Variants in PYCR3 observed in about 807,000 individuals in gnomAD.
PYCR3 encodes pyrroline-5-carboxylate reductase 3.
In PYCR3, 26 loss-of-function variants were observed where a neutral mutation model predicts 23.4. The ratio of observed to expected loss-of-function variants is 1.11; its 90% CI spans 0.81 to 1.54. The LOEUF (loss-of-function observed/expected upper bound fraction) is 1.54. Ranked by LOEUF, PYCR3 falls within the 40% of genes most tolerant of loss-of-function variation. The pLI is 0.00. For synonymous variants in PYCR3, 194 were observed against 162.6 expected (o/e 1.19, Z -1.47); for missense variants, 360 against 376.3 (o/e 0.96, Z 0.36).
rs868057782 is a variant in PYCR3 at position 143,603,699 on chromosome 8, G to T, written c.*2001C>A. 1.3e-5 allele frequency among the ~76,000 whole-genome samples: 2 copies of T among 152,322 alleles called. No individual in the cohort carries two copies. The highest frequency in any genetic ancestry group is 3.4e-3 in the Middle Eastern group (1 of 294). ...GACCCCAGGCTCCCAGGCCTGCCCAGGCTTGGCATACAGTCCCCTGGGGTG... is the reference window on the plus strand; with the variant it reads ...GACCCCAGGCTCCCAGGCCTGCCCATGCTTGGCATACAGTCCCCTGGGGTG... On this transcript the variant is annotated 3_prime_UTR_variant, in exon 6 of 6. Transcript: ENST00000495276.
intron 1 of PYCR3, chr8:143,608,906 C>G (rs1192063052): frequency 2.2e-6 from 1 of 456,748 alleles, no homozygotes; most frequent in Non-Finnish European, 4.4e-6. Flanking sequence ...AGTCACCCAG[C>G]TCTCCCTATC....
Position 143,605,577 on chromosome 8 carries a change from G to T in PYCR3, c.*123C>A. 1.1e-6 allele frequency: 1 copy of T among 936,548 alleles called. No homozygotes were observed. The highest frequency in any genetic ancestry group is 1.6e-6 in the Non-Finnish European group (1 of 638,508). The allele number at this position is 936,548 out of a possible 1,614,324, so 58.0% of individuals were successfully genotyped here. A position where few individuals can be genotyped will look rare whatever the true frequency, so the allele number is the denominator to read the frequency against. ...CAAGTCCTGCCCCCTGCATTTCCCT[G>T]TGCAAGGGGAGAAGGAGCAGTAGGA... On this transcript the variant is annotated 3_prime_UTR_variant, in exon 6 of 6. Transcript: ENST00000495276.
intron 2 of PYCR3, 91 bp from the exon 3 acceptor site, chr8:143,607,223 C>T (rs1829427673): frequency 7.9e-7 from 1 of 1,267,002 alleles, no homozygotes; most frequent in African/African-American, 1.5e-5. Flanking sequence ...GCCACACGTT[C>T]CCATGGTCCC....
intron 3 of PYCR3, 92 bp from the exon 4 acceptor site, chr8:143,606,771 C>T (rs1314601003): frequency 2.2e-6 from 3 of 1,386,422 alleles, no homozygotes; most frequent in African/African-American, 1.5e-5. Context: ...TCCACGTCAG[C>T]TCGCGGTGGG....
At chr8:143,607,239 C>T in intron 2 of PYCR3, 107 bp from the exon 3 acceptor site, 1 of 1,126,178 alleles carries the variant, frequency 8.9e-7, no homozygotes. Flanking sequence ...GTCCCAGGGC[C>T]TCTCCCATTG....
chr8:143,608,077 G>A lies in PYCR3; in HGVS notation c.141C>T (p.Asn47=), dbSNP rs1207856203. 5.0e-6 allele frequency: 8 copies of A among 1,613,656 alleles called. No homozygotes were observed. The highest frequency in any genetic ancestry group is 1.1e-5 in the South Asian group (1 of 91,078). Residue 47 remains asparagine, a synonymous_variant, in exon 2 of 6, where the codon AAC becomes AAT. Coordinates refer to ENST00000495276, the MANE Select transcript of PYCR3 (RefSeq NM_023078.6). ...CTATGCTCACTTGAAAGTGACATAG[G>A]TTCCTGTCTGTTGGTGCACTGGCCA... ...HILASAPTDR[N]LCHFQALGCR... is the part of the protein sequence containing the mutation.
Position 143,604,923 on chromosome 8 carries a change from G to T in PYCR3, c.*777C>A. The stretch of plus-strand genomic sequence containing the variant: ...GGCCACTTGTCAGGAGCTTAGGATT[G>T]GGAGGAAAGAGGGAGCCTGTATCCA... On this transcript the variant is annotated 3_prime_UTR_variant, in exon 6 of 6. Coordinates refer to ENST00000495276, the MANE Select transcript of PYCR3 (RefSeq NM_023078.6). The T allele has an allele frequency of 2.0e-6, 1 of 510,904 alleles. No homozygotes were observed. The highest frequency in any genetic ancestry group is 3.9e-6 in the Non-Finnish European group (1 of 256,432). 31.6% of individuals were successfully genotyped at this position (510,904 alleles called of 1,614,324 possible).
In PYCR3 at chr8:143,605,360, A is replaced by G; in HGVS notation, c.*340T>C. 2.6e-6 allele frequency: 1 copy of G among 389,528 alleles called. No homozygotes were observed. Among genetic ancestry groups the G allele is most frequent in the South Asian group, 3.8e-5 (1 of 26,566 alleles). The allele number at this position is 389,528 out of a possible 1,614,324, so 24.1% of individuals were successfully genotyped here. ...GTGCCTGTTACCGTAAGTTCTGTTC[A>G]TGGCCTCAACCAACTGCCCAACCAT... On this transcript the variant is annotated 3_prime_UTR_variant, in exon 6 of 6. Coordinates refer to ENST00000495276, the MANE Select transcript of PYCR3 (RefSeq NM_023078.6).
chr8:143,605,946 C>A, intron 5 of PYCR3, 64 bp from the exon 6 acceptor site: 1 of 1,568,036 alleles, frequency 6.4e-7, no homozygotes, highest in Non-Finnish European at 8.7e-7. Flanking sequence ...TGCGGCCTGC[C>A]CTCGTTGCAT....
intron 2 of PYCR3, 100 bp from the exon 3 acceptor site, chr8:143,607,232 C>G (rs1829428068): frequency 9.3e-6 from 11 of 1,185,540 alleles, no homozygotes; most frequent in Admixed American, 2.8e-5. Context: ...TCCCATGGTC[C>G]CAGGGCCTCT....
In PYCR3 at chr8:143,605,530, TC is replaced by T. The variant is rs1829368514; in HGVS notation, c.*169del. The T allele has an allele frequency of 3.1e-6, 2 of 644,702 alleles. No individual in the cohort carries two copies. The highest frequency in any genetic ancestry group is 4.3e-4 in the Middle Eastern group (1 of 2,300). The allele number at this position is 644,702 out of a possible 1,614,324, so 39.9% of individuals were successfully genotyped here. A position where few individuals can be genotyped will look rare whatever the true frequency, so the allele number is the denominator to read the frequency against. On this transcript the variant is annotated 3_prime_UTR_variant, in exon 6 of 6. Coordinates refer to ENST00000495276, the MANE Select transcript of PYCR3 (RefSeq NM_023078.6). The stretch of plus-strand genomic sequence containing the variant: ...GAGGAGTGTCCCCACTGGTCGGGGC[TC>T]CCCCGCCTGCTGGAACCTCCCAAGT...
In PYCR3 at chr8:143,605,726, G is replaced by T. The variant is rs35955574; in HGVS notation, c.799C>A (p.Arg267=). The stretch of plus-strand genomic sequence containing the variant: ...TACTTTCTGCTGAGCTCCTTGGCCC[G>T]GCAGGTGGCAGCCTCCACGGCGCTC... ...TMSAVEAATC[R]AKELSRK is the part of the protein sequence containing the mutation. The change falls in exon 6 of 6, where the codon CGG becomes AGG. Residue 267 remains arginine (R), a synonymous_variant. Transcript: ENST00000495276. The T allele has an allele frequency of 8.4e-4, 1,340 of 1,603,230 alleles. 15 individuals are homozygous for T. The African/African-American group carries it at 0.016, about 19-fold the overall frequency.
chr8:143,609,181 C>G (rs1423198992), intron 1 of PYCR3, among the ~76,000 whole-genome samples: 2 of 152,228 alleles, frequency 1.3e-5, no homozygotes, highest in Admixed American at 1.3e-4. Flanking sequence ...GAGGGGCTGG[C>G]GCGCAAAGAG....
chr8:143,603,288 G>T lies in PYCR3; in HGVS notation c.*2412C>A, dbSNP rs1296853437. 2 of 152,216 alleles carry T rather than the reference G, an allele frequency of 1.3e-5. No homozygotes were observed. The highest frequency in any genetic ancestry group is 2.9e-5 in the Non-Finnish European group (2 of 68,038). The allele number at this position is 152,216 out of a possible 1,614,324, so 9.4% of individuals were successfully genotyped here. On this transcript the variant is annotated 3_prime_UTR_variant, in exon 6 of 6. Transcript: ENST00000495276. Reference sequence around the variant, plus strand: ...ACGCTTGGATCAGGAATACCCCCTAGATTAACAGTTGGGGCATAGGGCATA... The same window carrying T: ...ACGCTTGGATCAGGAATACCCCCTATATTAACAGTTGGGGCATAGGGCATA...
chr8:143,606,955 C>T lies in PYCR3; in HGVS notation c.334G>A (p.Glu112Lys), dbSNP rs762416158. The change falls in exon 3 of 6, where the codon GAG becomes AAG. Residue 112 changes from glutamate to lysine, a missense_variant and splice_region_variant. Glu to Lys is a moderately conservative substitution (Grantham distance 56). Coordinates refer to ENST00000495276, the MANE Select transcript of PYCR3 (RefSeq NM_023078.6). ...AAGVSLSTLEELLPPNTRVLR... is the reference protein window; with the variant it reads ...AAGVSLSTLEKLLPPNTRVLR... ...GCCTTAGCCCAAGGGACACTCACCT[C>T]CTCCAGGGTGCTCAGAGACACCCCA... The T allele has an allele frequency of 1.9e-6, 3 of 1,599,574 alleles. No individual in the cohort carries two copies. The highest frequency in any genetic ancestry group is 1.3e-5 in the African/African-American group (1 of 74,630).
At chr8:143,608,662 C>A (rs62522171) in intron 1 of PYCR3, 47,982 of 331,808 alleles carry the variant, frequency 0.14, 3,850 homozygotes, top group African/African-American at 0.24. Flanking sequence ...AACAGGAAGG[C>A]ACAAGTGTAC....
intron 1 of PYCR3, chr8:143,608,332 C>A: frequency 1.7e-6 from 1 of 583,202 alleles, no homozygotes; most frequent in Non-Finnish European, 3.0e-6. Context: ...GGTCAACGCC[C>A]CTGACTGCTG....
At position 143,604,877 on chromosome 8, in the gene PYCR3, C is replaced by T. The variant is rs867274180; in HGVS notation, c.*823G>A. 2.0e-6 allele frequency: 1 copy of T among 497,796 alleles called. No individual in the cohort carries two copies. Among genetic ancestry groups the T allele is most frequent in the Non-Finnish European group, 4.0e-6 (1 of 250,136 alleles). 30.8% of individuals were successfully genotyped at this position (497,796 alleles called of 1,614,324 possible). A position where few individuals can be genotyped will look rare whatever the true frequency, so the allele number is the denominator to read the frequency against. ...CAGGACCCCTGACCTAGGCACGGGG[C>T]AGGAGGGCCCAGAGCCACCTGGCCA... On this transcript the variant is annotated 3_prime_UTR_variant, in exon 6 of 6. Transcript: ENST00000495276.
In PYCR3 at chr8:143,606,501, A is replaced by G. The variant is rs1298076452; in HGVS notation, c.515T>C (p.Ile172Thr). ...CEEVPEAYVD[I>T]HTGLSGSGVA... ...GCCACTGCCACTGAGGCCAGTGTGG[A>G]TGTCGACGTAGGCTTCAGGCACCTC... is the stretch of plus-strand genomic sequence containing the variant. Residue 172 changes from isoleucine (I) to threonine (T), a missense_variant, in exon 4 of 6, where the codon ATC becomes ACC. Coordinates refer to ENST00000495276, the MANE Select transcript of PYCR3 (RefSeq NM_023078.6). The G allele has an allele frequency of 3.1e-6, 5 of 1,612,752 alleles. No individual in the cohort carries two copies. The highest frequency in any genetic ancestry group is 4.2e-6 in the Non-Finnish European group (5 of 1,179,990).
Sources: allele counts gnomAD v4.1 joint callset (sites outside exome capture counted in the v4.1 genomes callset), GRCh38; gene constraint gnomAD v4.1.1; transcripts MANE v1.5; gene names NCBI Gene and HGNC (gene_info 2026-07-23, HGNC 2026-07-21).